The following SCFD2 variants were observed in gnomAD, a reference collection of about 807,000 sequenced individuals.
SCFD2 encodes the protein sec1 family domain containing 2.
Under a neutral mutation model 58.9 loss-of-function variants are expected in SCFD2, and 54 were observed. The observed-to-expected ratio is 0.92, with a 90% CI of 0.74 to 1.15. The LOEUF (loss-of-function observed/expected upper bound fraction) is 1.15. Among genes scored for constraint, SCFD2 ranks in the 50% most tolerant of loss-of-function variants. The pLI, the probability that SCFD2 is intolerant of heterozygous loss-of-function variation, is 0.00. For missense variants in SCFD2, 805 were observed against 836.6 expected, an observed-to-expected ratio of 0.96 and a Z score of 0.47; for synonymous variants, 321 against 335.9, an observed-to-expected ratio of 0.96 and a Z score of 0.49.
At chr4:52,963,389 T>G (rs2109543074) in intron 5 of SCFD2, among the ~76,000 whole-genome samples, 1 of 152,366 alleles carries the variant, frequency 6.6e-6, no homozygotes, top group South Asian at 2.1e-4. Context: ...TACTTCATTC[T>G]TTTGCATTAA....
At chr4:53,081,057 G>A (rs4380575) in intron 5 of SCFD2, among the ~76,000 whole-genome samples, 112,833 of 151,988 alleles carry the variant, frequency 0.74, 41,981 homozygotes, top group Middle Eastern at 0.87. Context: ...ACTTGTTGCA[G>A]ACTACGATCC....
At chr4:53,133,305 G>A (rs1304972370) in intron 5 of SCFD2, among the ~76,000 whole-genome samples, 14 of 145,184 alleles carry the variant, frequency 9.6e-5, no homozygotes, top group Admixed American at 8.3e-4. Context: ...TCCAGCCTGG[G>A]CGACAGTGCA....
At chr4:52,891,807 G>A (rs1560471852) in intron 7 of SCFD2, among the ~76,000 whole-genome samples, 2 of 152,228 alleles carry the variant, frequency 1.3e-5, no homozygotes, top group Non-Finnish European at 2.9e-5. Context: ...CCTCTCATCT[G>A]CTGCAGTTGA....
At chr4:52,956,488 A>G (rs1410277936) in intron 5 of SCFD2, 6 of 334,222 alleles carry the variant, frequency 1.8e-5, no homozygotes, top group Admixed American at 4.1e-5. Flanking sequence ...AGGACTTGGA[A>G]CCCACCAGGC....
intron 5 of SCFD2, among the ~76,000 whole-genome samples, chr4:52,966,379 C>T (rs986843857): frequency 1.3e-5 from 2 of 152,206 alleles, no homozygotes; most frequent in African/African-American, 2.4e-5. Context: ...GCAGTGCCCA[C>T]GGTCATCTGC....
intron 3 of SCFD2, among the ~76,000 whole-genome samples, chr4:53,307,284 A>C (rs1477257139): frequency 6.6e-6 from 1 of 152,234 alleles, no homozygotes; most frequent in Non-Finnish European, 1.5e-5. Flanking sequence ...TAGAAGGCAG[A>C]ACCATCTTTA....
At chr4:52,974,764 A>G (rs1489991197) in intron 5 of SCFD2, among the ~76,000 whole-genome samples, 1 of 152,118 alleles carries the variant, frequency 6.6e-6, no homozygotes, top group Non-Finnish European at 1.5e-5. Context: ...ACCTGACTTC[A>G]AACTATACTA....
intron 4 of SCFD2, among the ~76,000 whole-genome samples, chr4:53,179,653 T>C (rs1354291376): frequency 6.6e-6 from 1 of 152,070 alleles, no homozygotes; most frequent in African/African-American, 2.4e-5. Context: ...CATAACAATA[T>C]TAACTTTAAA....
chr4:53,223,114 GA>G (rs1413600504), intron 4 of SCFD2, among the ~76,000 whole-genome samples: 3 of 151,898 alleles, frequency 2.0e-5, no homozygotes, highest in Non-Finnish European at 4.4e-5. Context: ...TTGGCTTTCT[GA>G]AAAAAATATA....
chr4:53,256,472 C>T (rs1316644787), intron 4 of SCFD2, among the ~76,000 whole-genome samples: 37 of 151,618 alleles, frequency 2.4e-4, no homozygotes, highest in African/African-American at 6.5e-4. Flanking sequence ...ACTTCCCAGA[C>T]GGGGTGGCGG....
chr4:53,299,451 G>C (rs1182097923), intron 3 of SCFD2, among the ~76,000 whole-genome samples: 1 of 152,170 alleles, frequency 6.6e-6, no homozygotes, highest in African/African-American at 2.4e-5. Context: ...TATGTGAAAA[G>C]ACCAAATCTA....
intron 5 of SCFD2, among the ~76,000 whole-genome samples, chr4:53,005,230 T>C (rs570662472): frequency 6.6e-6 from 1 of 152,258 alleles, no homozygotes; most frequent in South Asian, 2.1e-4. Context: ...TGGTCATGAC[T>C]CCACTCCCCA....
chr4:53,340,663 T>C (rs1307369039), intron 2 of SCFD2, among the ~76,000 whole-genome samples: 1 of 152,180 alleles, frequency 6.6e-6, no homozygotes, highest in African/African-American at 2.4e-5. Flanking sequence ...GACTACCTCC[T>C]CAAGTGTGTC....
At chr4:53,309,399 G>A (rs537850314) in intron 3 of SCFD2, among the ~76,000 whole-genome samples, 4 of 152,310 alleles carry the variant, frequency 2.6e-5, no homozygotes, top group South Asian at 4.2e-4. Flanking sequence ...AACTAGGAGA[G>A]CAAATTAAGA....
intron 5 of SCFD2, among the ~76,000 whole-genome samples, chr4:53,000,524 G>T (rs1434136327): frequency 6.6e-6 from 1 of 152,136 alleles, no homozygotes; most frequent in Non-Finnish European, 1.5e-5. Flanking sequence ...TCTACTGGAG[G>T]AAAGGTAAGA....
rs1321466871 is a variant in SCFD2, at chr4:52,873,977, C to T, written c.2047G>A (p.Gly683Ser). 6.2e-7 allele frequency: 1 copy of T among 1,613,450 alleles called. No individual in the cohort carries two copies. The highest frequency in any genetic ancestry group is 8.5e-7 in the Non-Finnish European group (1 of 1,179,528). The change falls in exon 9 of 9, where the codon GGC becomes AGC. Residue 683 changes from glycine to serine, a missense_variant. Around this residue, in one of 3 missense-constraint regions of SCFD2, gnomAD observed 633 missense variants for 646.8 expected, o/e 0.98. Coordinates refer to ENST00000401642, the MANE Select transcript of SCFD2 (RefSeq NM_152540.4). ...FATDRLHPDL[G>S]F The stretch of plus-strand genomic sequence containing the variant: ...ATCTTCTTAGCGGATGCTCAGAAGC[C>T]AAGGTCTGGATGCAGTCGGTCAGTT...
At chr4:53,217,682 A>T (rs1285168390) in intron 4 of SCFD2, among the ~76,000 whole-genome samples, 1 of 152,166 alleles carries the variant, frequency 6.6e-6, no homozygotes, top group Admixed American at 6.5e-5. Context: ...TGATCCTGTC[A>T]GTATGATGTT....
intron 4 of SCFD2, among the ~76,000 whole-genome samples, chr4:53,242,201 T>C (rs992301417): frequency 1.3e-5 from 2 of 152,218 alleles, no homozygotes; most frequent in African/African-American, 4.8e-5. Context: ...CACCAGACTA[T>C]GAAGTGCATT....
chr4:52,951,154 G>GATTC (rs370248107), intron 5 of SCFD2: 21 of 152,276 alleles, frequency 1.4e-4, no homozygotes, highest in African/African-American at 4.3e-4. Flanking sequence ...TTGATTGATT[G>GATTC]ATTCATTCAT....
Sources: allele counts gnomAD v4.1 joint callset (sites outside exome capture counted in the v4.1 genomes callset), GRCh38; gene constraint gnomAD v4.1.1; regional missense constraint gnomAD v4.1.1; transcripts MANE v1.5; gene names NCBI Gene and HGNC (gene_info 2026-07-23, HGNC 2026-07-21).